Variants in VDR observed in about 807,000 individuals in gnomAD.
VDR encodes the protein vitamin D3 receptor.
Under a neutral mutation model 39.7 loss-of-function variants are expected in VDR, and 19 were observed. The observed-to-expected ratio is 0.48, with a 90% CI of 0.33 to 0.70. The LOEUF (loss-of-function observed/expected upper bound fraction) is 0.70. Among genes scored for constraint, VDR ranks in the 30% least tolerant of loss-of-function variants. The pLI is 0.02. For synonymous variants in VDR, 242 were observed against 215.8 expected (o/e 1.12, Z -1.07); for missense variants, 442 against 570.5 (o/e 0.77, Z 2.29).
At chr12:47,869,739 T>A (rs575309873) in intron 3 of VDR, among the ~76,000 whole-genome samples, 15 of 151,386 alleles carry the variant, frequency 9.9e-5, no homozygotes, top group Admixed American at 7.2e-4. Context: ...TACAAAAGAT[T>A]AAAAAAAATT....
intron 1 of VDR, chr12:47,899,980 G>A: frequency 3.0e-6 from 3 of 984,868 alleles, no homozygotes; most frequent in Non-Finnish European, 3.6e-6. Context: ...GCCAGGAGAG[G>A]GAAAAGGTAG....
At chr12:47,886,983 A>AG (rs11455624) in intron 1 of VDR, among the ~76,000 whole-genome samples, 49,525 of 151,826 alleles carry the variant, frequency 0.33, 8,998 homozygotes, top group South Asian at 0.49. Context: ...AGGAGGGCTT[A>AG]GGGGGCCACC....
chr12:47,886,348 GT>G (rs1946252092), intron 1 of VDR, among the ~76,000 whole-genome samples: 1 of 152,132 alleles, frequency 6.6e-6, no homozygotes, highest in African/African-American at 2.4e-5. Context: ...CTAACTTTTT[GT>G]CTTCTCTTTA....
At position 47,857,519 on chromosome 12, in the gene VDR, G is replaced by A; in HGVS notation, c.447C>T (p.Asp149=). The part of the protein sequence containing the change: ...HHKTYDPTYS[D]FCQFRPPVRV... ...GCAGACATACCCGGAACTGGCAGAA[G>A]TCGGAGTAGGTGGGGTCGTAGGTCT... is the stretch of plus-strand genomic sequence containing the variant. Residue 149 remains aspartate, a synonymous_variant, in exon 5 of 10, where the codon GAC becomes GAT. Coordinates refer to ENST00000549336, the MANE Select transcript of VDR (RefSeq NM_000376.3). 6.2e-7 allele frequency: 1 copy of A among 1,614,204 alleles called. No homozygotes were observed.
intron 7 of VDR, 51 bp downstream of exon 7, chr12:47,855,579 C>T (rs1423994280): frequency 6.2e-6 from 10 of 1,604,216 alleles, no homozygotes; most frequent in Non-Finnish European, 8.5e-6. Context: ...CTTCTTGTAG[C>T]TCAGTCTAGG....
intron 7 of VDR, among the ~76,000 whole-genome samples, chr12:47,850,775 C>T (rs1052621643): frequency 2.6e-5 from 4 of 152,114 alleles, no homozygotes; most frequent in Non-Finnish European, 5.9e-5. Context: ...TCTGTCTTCA[C>T]GCCTGCAGCC....
At chr12:47,871,363 C>CTTT (rs1565622866) in intron 3 of VDR, among the ~76,000 whole-genome samples, 2 of 58,224 alleles carry the variant, frequency 3.4e-5, no homozygotes, top group African/African-American at 1.2e-4. Flanking sequence ...TCTTTCCTTT[C>CTTT]TCTCTCTCTC....
Position 47,844,601 on chromosome 12 carries a change from T to C in VDR, c.*145A>G, listed in dbSNP as rs936341994. 2 of 1,114,030 alleles carry C rather than the reference T, an allele frequency of 1.8e-6. No individual in the cohort carries two copies. The highest frequency in any genetic ancestry group is 2.6e-6 in the Non-Finnish European group (2 of 773,014). 69.0% of individuals were successfully genotyped at this position (1,114,030 alleles called of 1,614,324 possible). On this transcript the variant is annotated 3_prime_UTR_variant, in exon 10 of 10. Coordinates refer to ENST00000549336, the MANE Select transcript of VDR (RefSeq NM_000376.3). ...GGGTTAGGTTGGACAGGAGAGAGAATGGGCTGGGTGGATAGGGGAGGTGGC... is the reference window on the plus strand; with the variant it reads ...GGGTTAGGTTGGACAGGAGAGAGAACGGGCTGGGTGGATAGGGGAGGTGGC...
chr12:47,899,981 G>A (rs899145179), intron 1 of VDR: 218 of 984,772 alleles, frequency 2.2e-4, no homozygotes, highest in Non-Finnish European at 2.5e-4. Context: ...CCAGGAGAGG[G>A]AAAAGGTAGG....
chr12:47,903,838 T>A lies in VDR; in HGVS notation c.-84+1117A>T, dbSNP rs1373560820. 2.0e-5 allele frequency among the ~76,000 whole-genome samples: 3 copies of A among 152,168 alleles called. 1 individual carries two copies. The highest frequency in any genetic ancestry group is 4.4e-5 in the Non-Finnish European group (3 of 68,028). On this transcript the variant is annotated intron_variant, in intron 1 of 9. Transcript: ENST00000549336. Reference sequence around the variant, plus strand: ...ATGTAGATTTATCATAAAGCCACTATCCCTTCACGGTCACCTCCTGCTAGA... The same window carrying A: ...ATGTAGATTTATCATAAAGCCACTAACCCTTCACGGTCACCTCCTGCTAGA...
intron 4 of VDR, among the ~76,000 whole-genome samples, chr12:47,859,520 C>A (rs2137151624): frequency 6.6e-6 from 1 of 152,310 alleles, no homozygotes; most frequent in South Asian, 2.1e-4. Flanking sequence ...CTCCCCCAAA[C>A]CTGTATGAGT....
At chr12:47,845,812 C>T (rs989147954) in intron 9 of VDR, among the ~76,000 whole-genome samples, 1 of 152,188 alleles carries the variant, frequency 6.6e-6, no homozygotes, top group Admixed American at 6.5e-5. Context: ...ACCTCATCAC[C>T]GACATCATGT....
chr12:47,856,753 C>A (rs1945496765), intron 6 of VDR, among the ~76,000 whole-genome samples: 1 of 152,120 alleles, frequency 6.6e-6, no homozygotes, highest in South Asian at 2.1e-4. Flanking sequence ...TCAATAGGAC[C>A]AACACGTTCA....
At position 47,846,703 on chromosome 12, in the gene VDR, G is replaced by A. The variant is rs1468290400; in HGVS notation, c.861C>T (p.Thr287=). Residue 287 remains threonine, a synonymous_variant, in exon 8 of 10, where the codon ACC becomes ACT. Transcript: ENST00000549336. Reference sequence around the variant, plus strand: ...GGTACTTGTAGTCTTGGTTGCCACAGGTCCAGGACATGTCGTCCATGGTGA... The same window carrying A: ...GGTACTTGTAGTCTTGGTTGCCACAAGTCCAGGACATGTCGTCCATGGTGA... ...ESFTMDDMSW[T]CGNQDYKYRV... is the part of the protein sequence containing the mutation. The A allele has an allele frequency of 2.5e-6, 4 of 1,614,148 alleles. No homozygotes were observed. Among genetic ancestry groups the A allele is most frequent in the Middle Eastern group, 1.7e-4 (1 of 6,024 alleles).
Position 47,872,234 on chromosome 12 carries a change from A to G in VDR, c.146+6734T>C, listed in dbSNP as rs565505376. 5.3e-4 allele frequency among the ~76,000 whole-genome samples: 80 copies of G among 152,322 alleles called. No individual in the cohort carries two copies. In the South Asian group the frequency reaches 0.016, roughly 30 times the overall value. ...AAGTTACTTAACCTTCCCATCCATT[A>G]GTTTCCACATCTGTAAAATGGGAGC... On this transcript the variant is annotated intron_variant, in intron 3 of 9. Transcript: ENST00000549336.
In VDR at chr12:47,877,492, T is replaced by C. The variant is rs546043455; in HGVS notation, c.146+1476A>G. Among the ~76,000 whole-genome samples the C allele has an allele frequency of 5.3e-5, 8 of 152,310 alleles. No homozygotes were observed. The East Asian group carries it at 1.5e-3, about 29-fold the overall frequency. On this transcript the variant is annotated intron_variant, in intron 3 of 9. Coordinates refer to ENST00000549336, the MANE Select transcript of VDR (RefSeq NM_000376.3). The stretch of plus-strand genomic sequence containing the variant: ...GCCATTAGTTGAGTTAACTAAAACC[T>C]AGATATGTCAAGGACATCCATTTGA...
At chr12:47,866,827 T>C (rs191794391) in intron 3 of VDR, among the ~76,000 whole-genome samples, 8 of 151,468 alleles carry the variant, frequency 5.3e-5, no homozygotes, top group Non-Finnish European at 1.0e-4. Context: ...CCGTCTCTAC[T>C]AAAAATACAA....
intron 1 of VDR, among the ~76,000 whole-genome samples, chr12:47,896,220 G>A (rs1018707849): frequency 6.6e-6 from 1 of 152,226 alleles, no homozygotes; most frequent in Non-Finnish European, 1.5e-5. Context: ...CTCAGTAAAC[G>A]TTAGTGCTTA....
At position 47,904,494 on chromosome 12, in the gene VDR, A is replaced by C. The variant is rs575563879; in HGVS notation, c.-84+461T>G. 99 of 1,120,506 alleles carry C rather than the reference A, an allele frequency of 8.8e-5. 1 individual carries two copies. The African/African-American group carries it at 1.5e-3, about 17-fold the overall frequency. 69.4% of individuals were successfully genotyped at this position (1,120,506 alleles called of 1,614,324 possible). A position where few individuals can be genotyped will look rare whatever the true frequency, so the allele number is the denominator to read the frequency against. ...AAAAAAAAAAAAAAAAAAATTACTT[A>C]AAAGACCCAACTCCACCATCACAGG... On this transcript the variant is annotated intron_variant, in intron 1 of 9. Transcript: ENST00000549336.
Sources: allele counts gnomAD v4.1 joint callset (sites outside exome capture counted in the v4.1 genomes callset), GRCh38; gene constraint gnomAD v4.1.1; transcripts MANE v1.5; gene names NCBI Gene and HGNC (gene_info 2026-07-23, HGNC 2026-07-21).